The following FTO variants were observed in gnomAD, a reference collection of about 807,000 sequenced individuals.
The protein encoded by FTO is alpha-ketoglutarate-dependent dioxygenase FTO.
A neutral mutation model predicts 63.9 loss-of-function variants in FTO; 47 were observed. The ratio of observed to expected loss-of-function variants is 0.74; its 90% CI spans 0.58 to 0.94. FTO has a LOEUF of 0.94. Among genes scored for constraint, FTO ranks in the 40% least tolerant of loss-of-function variants. FTO has a pLI of 0.00. For synonymous variants in FTO, 207 were observed against 224.4 expected, an observed-to-expected ratio of 0.92 and a Z score of 0.69; for missense variants, 562 against 618.1, an observed-to-expected ratio of 0.91 and a Z score of 0.96.
chr16:53,861,585 C>T (rs964043398), intron 4 of FTO, among the ~76,000 whole-genome samples: 3 of 152,072 alleles, frequency 2.0e-5, no homozygotes, highest in East Asian at 1.9e-4. Context: ...CTGCCCACTT[C>T]CCAGATATTT....
At chr16:54,048,272 A>T (rs1306220862) in intron 8 of FTO, among the ~76,000 whole-genome samples, 5 of 146,564 alleles carry the variant, frequency 3.4e-5, no homozygotes, top group Non-Finnish European at 6.0e-5. Flanking sequence ...AAAAAAAAAA[A>T]AGAAGCTAAG....
Position 54,121,314 on chromosome 16 carries a change from C to T in FTO, c.*9399C>T, listed in dbSNP as rs1466021850. 3 of 152,152 alleles carry T rather than the reference C, an allele frequency of 2.0e-5. No individual in the cohort carries two copies. The highest frequency in any genetic ancestry group is 2.0e-4 in the Admixed American group (3 of 15,278). 9.4% of individuals were successfully genotyped at this position (152,152 alleles called of 1,614,324 possible). ...GTAATGACTCAGCATGTATCAATTA[C>T]GATGATAAATATTATCATGGCATCC... On this transcript the variant is annotated 3_prime_UTR_variant, in exon 9 of 9. Coordinates refer to ENST00000471389, the MANE Select transcript of FTO (RefSeq NM_001080432.3).
At chr16:53,981,795 C>T (rs1209214785) in intron 8 of FTO, 1 of 152,604 alleles carries the variant, frequency 6.6e-6, no homozygotes, top group East Asian at 1.9e-4. Flanking sequence ...CCTGCAATCC[C>T]AGCTCGTCAT....
Position 54,117,222 on chromosome 16 carries a change from T to G in FTO, c.*5307T>G, listed in dbSNP as rs556998486. On this transcript the variant is annotated 3_prime_UTR_variant, in exon 9 of 9. Coordinates refer to ENST00000471389, the MANE Select transcript of FTO (RefSeq NM_001080432.3). The stretch of plus-strand genomic sequence containing the variant: ...ATAGTAGTAATCCATCACCTAAGGT[T>G]GTTGTGAAGGTTCAATAAGTTAATG... The G allele has an allele frequency of 6.6e-6, 1 of 152,280 alleles. No homozygotes were observed. Among genetic ancestry groups the G allele is most frequent in the African/African-American group, 2.4e-5 (1 of 41,540 alleles). The allele number at this position is 152,280 out of a possible 1,614,324, so 9.4% of individuals were successfully genotyped here. A position where few individuals can be genotyped will look rare whatever the true frequency, so the allele number is the denominator to read the frequency against.
In FTO at chr16:53,859,462, T is replaced by A. The variant is rs138976312; in HGVS notation, c.896-14324T>A. 2.5e-3 allele frequency among the ~76,000 whole-genome samples: 370 copies of A among 150,416 alleles called. 1 individual carries two copies. The highest frequency in any genetic ancestry group is 8.2e-3 in the African/African-American group (336 of 41,206). On this transcript the variant is annotated intron_variant, in intron 4 of 8. Transcript: ENST00000471389. ...TGTAGTATAAAAATATATATCACTA[T>A]ATATCATATCAATGATATATATATT...
chr16:53,868,706 T>C (rs369613199), intron 4 of FTO, among the ~76,000 whole-genome samples: 22 of 152,328 alleles, frequency 1.4e-4, no homozygotes, highest in Admixed American at 2.6e-4. Context: ...CCTTTCTTTA[T>C]GCAGATCTGA....
chr16:54,054,633 TAA>T (rs2085388454), intron 8 of FTO: 1 of 152,194 alleles, frequency 6.6e-6, no homozygotes, highest in African/African-American at 2.4e-5. Context: ...TTTGTAAGGC[TAA>T]AGTGCTGAGG....
intron 1 of FTO, among the ~76,000 whole-genome samples, chr16:53,793,309 C>A (rs2077977826): frequency 6.6e-6 from 1 of 152,174 alleles, no homozygotes; most frequent in Admixed American, 6.5e-5. Flanking sequence ...TTTTTCTCTT[C>A]AGGACACCTT....
chr16:53,923,857 G>A lies in FTO; in HGVS notation c.1240-10128G>A, dbSNP rs566217129. Among the ~76,000 whole-genome samples the A allele has an allele frequency of 6.6e-5, 10 of 151,958 alleles. No homozygotes were observed. The South Asian group carries it at 2.1e-3, about 32-fold the overall frequency. On this transcript the variant is annotated intron_variant, in intron 7 of 8. Transcript: ENST00000471389. ...CAGCAGCCTGAACATTCCAGCGGTC[G>A]CCCACATGACTGTCCCCGAGAGTTT...
At position 54,092,873 on chromosome 16, in the gene FTO, C is replaced by T. The variant is rs183869029; in HGVS notation, c.1365-18889C>T. On this transcript the variant is annotated intron_variant, in intron 8 of 8. Coordinates refer to ENST00000471389, the MANE Select transcript of FTO (RefSeq NM_001080432.3). ...AAGGAAGTTTACCTCTGCTTCTCAC[C>T]CAGGGACTGCAGAGGTCATGGGATT... Among the ~76,000 whole-genome samples the T allele has an allele frequency of 6.6e-5, 10 of 152,270 alleles. No homozygotes were observed. In the East Asian group the frequency reaches 1.5e-3, roughly 24 times the overall value.
intron 8 of FTO, among the ~76,000 whole-genome samples, chr16:53,980,791 C>T (rs180775243): frequency 5.9e-5 from 9 of 152,206 alleles, no homozygotes; most frequent in African/African-American, 2.2e-4. Flanking sequence ...TTAAATAGCT[C>T]AAAATACGAC....
At chr16:53,949,714 A>G (rs973051854) in intron 8 of FTO, among the ~76,000 whole-genome samples, 4 of 139,878 alleles carry the variant, frequency 2.9e-5, no homozygotes, top group Admixed American at 7.3e-5. Flanking sequence ...AAAAAAAAAA[A>G]CCCAGTGAGA....
chr16:54,051,877 A>T (rs1468102804), intron 8 of FTO, among the ~76,000 whole-genome samples: 5 of 152,228 alleles, frequency 3.3e-5, no homozygotes, highest in Non-Finnish European at 5.9e-5. Context: ...TAATAGGTAG[A>T]TATCTAAGAG....
At chr16:53,959,494 G>A (rs2083016292) in intron 8 of FTO, among the ~76,000 whole-genome samples, 2 of 151,904 alleles carry the variant, frequency 1.3e-5, no homozygotes, top group African/African-American at 4.8e-5. Context: ...GTCAGTAGTA[G>A]CTAATAATAA....
At chr16:54,030,752 A>T (rs2084809719) in intron 8 of FTO, among the ~76,000 whole-genome samples, 1 of 152,216 alleles carries the variant, frequency 6.6e-6, no homozygotes. Context: ...AAGATTAGAC[A>T]TTAAAAACAT....
At chr16:53,974,345 T>A (rs1308685523) in intron 8 of FTO, among the ~76,000 whole-genome samples, 2 of 152,226 alleles carry the variant, frequency 1.3e-5, no homozygotes, top group Non-Finnish European at 2.9e-5. Context: ...TATTACCTTT[T>A]TTATTATTAT....
In FTO at chr16:53,724,680, A is replaced by G. The variant is rs76426051; in HGVS notation, c.45+20451A>G. ...AATTGCCATTATTCCCCCCAGTAAG[A>G]TATTTGAATAGGGGAAATAATGGGT... On this transcript the variant is annotated intron_variant, in intron 1 of 8. Transcript: ENST00000471389. Among the ~76,000 whole-genome samples the G allele has an allele frequency of 8.4e-3, 1,283 of 152,224 alleles. 15 individuals are homozygous for G. Among genetic ancestry groups the G allele is most frequent in the African/African-American group, 0.029 (1,222 of 41,546 alleles).
At chr16:53,744,602 C>T (rs911257547) in intron 1 of FTO, among the ~76,000 whole-genome samples, 1 of 152,128 alleles carries the variant, frequency 6.6e-6, no homozygotes, top group South Asian at 2.1e-4. Flanking sequence ...ACAAGATCTG[C>T]CTCCTACACT....
At chr16:53,955,026 C>T (rs1465327998) in intron 8 of FTO, among the ~76,000 whole-genome samples, 1 of 152,050 alleles carries the variant, frequency 6.6e-6, no homozygotes, top group Non-Finnish European at 1.5e-5. Flanking sequence ...CTAATTAGAC[C>T]AGTAAGAAAG....
Sources: gnomAD v4.1 joint callset for allele counts (sites outside exome capture counted in the v4.1 genomes callset) on GRCh38, gnomAD v4.1.1 for gene constraint, MANE v1.5 for transcripts, NCBI Gene and HGNC (gene_info 2026-07-23, HGNC 2026-07-21) for gene names.